Variants in ANO4 observed in about 807,000 individuals in gnomAD.
ANO4 encodes the protein anoctamin-4.
In ANO4, 69 loss-of-function variants were observed where a neutral mutation model predicts 141.9. That is an observed-to-expected ratio of 0.49 (90% CI 0.40 to 0.59). ANO4 has a LOEUF of 0.59. Among genes scored for constraint, ANO4 ranks in the 20% least tolerant of loss-of-function variants. ANO4 has a pLI of 0.00. For missense variants in ANO4, 894 were observed against 1,162.2 expected (o/e 0.77, Z 3.36); for synonymous variants, 350 against 394.3 (o/e 0.89, Z 1.33).
chr12:100,951,547 G>A (rs1199071144), intron 5 of ANO4, among the ~76,000 whole-genome samples: 3 of 152,192 alleles, frequency 2.0e-5, no homozygotes, highest in Admixed American at 6.5e-5. Flanking sequence ...CATGGATGGA[G>A]CTGGAGGCCA....
chr12:100,885,533 A>T (rs1390825016), intron 1 of ANO4: 1 of 152,234 alleles, frequency 6.6e-6, no homozygotes, highest in Non-Finnish European at 1.5e-5. Flanking sequence ...TGCCTCATAA[A>T]CATGACCTTT....
At chr12:100,803,531 A>G (rs1514786) in intron 1 of ANO4, among the ~76,000 whole-genome samples, 57,690 of 151,992 alleles carry the variant, frequency 0.38, 11,627 homozygotes, top group Middle Eastern at 0.52. Context: ...TTCAGCATCA[A>G]TGTTCCATTT....
chr12:100,796,017 G>A (rs539866078), intron 1 of ANO4, among the ~76,000 whole-genome samples: 2 of 148,384 alleles, frequency 1.3e-5, no homozygotes, highest in South Asian at 2.2e-4. Context: ...GTGCGTTGCA[G>A]GAGTCTCTCT....
intron 14 of ANO4, among the ~76,000 whole-genome samples, chr12:101,048,708 T>A (rs2047738077): frequency 6.6e-6 from 1 of 152,192 alleles, no homozygotes; most frequent in South Asian, 2.1e-4. Flanking sequence ...AGGGGAGAAC[T>A]GAAACACCAT....
intron 3 of ANO4, among the ~76,000 whole-genome samples, chr12:100,779,687 A>T (rs1260056139): frequency 6.6e-6 from 1 of 152,096 alleles, no homozygotes; most frequent in Admixed American, 6.5e-5. Context: ...AGACTCCCCA[A>T]ACATGCTAGC....
chr12:101,079,319 C>A, intron 15 of ANO4, 44 bp downstream of exon 15: 2 of 1,503,936 alleles, frequency 1.3e-6, no homozygotes, highest in Non-Finnish European at 1.8e-6. Context: ...GCAAATCACC[C>A]AGAACCACAC....
chr12:101,053,559 C>T (rs933739336), intron 14 of ANO4, among the ~76,000 whole-genome samples: 1 of 152,122 alleles, frequency 6.6e-6, no homozygotes, highest in South Asian at 2.1e-4. Flanking sequence ...CCTTGGCCTT[C>T]CTTGGTTTGT....
At position 100,739,656 on chromosome 12, in the gene ANO4, T is replaced by G. The variant is rs1191381312; in HGVS notation, c.107-198T>G. 2.0e-5 allele frequency among the ~76,000 whole-genome samples: 3 copies of G among 152,174 alleles called. No individual in the cohort carries two copies. The East Asian group carries it at 5.8e-4, about 29-fold the overall frequency. ...TTGAAGGCAGAGTGGGCACTTAGCATGCGCTTAATAAACATAAGTTGATTA... is the reference window on the plus strand; with the variant it reads ...TTGAAGGCAGAGTGGGCACTTAGCAGGCGCTTAATAAACATAAGTTGATTA... On this transcript the variant is annotated intron_variant, in intron 2 of 29. Transcript: ENST00000644049.
At position 101,127,096 on chromosome 12, in the gene ANO4, C is replaced by T. The variant is rs146007794; in HGVS notation, c.*4+22C>T. On this transcript the variant is annotated intron_variant, in intron 27 of 27. Transcript: ENST00000392977. ...CCATGTAGGTGAGAGGTGTGCTCAG[C>T]GTCTGAGGCCATTCCGAGGTTGAAT... 3.8e-5 allele frequency: 61 copies of T among 1,596,608 alleles called. 1 individual carries two copies. The Middle Eastern group carries it at 5.3e-4, about 14-fold the overall frequency.
At chr12:101,036,886 A>G (rs2047217721) in intron 9 of ANO4, among the ~76,000 whole-genome samples, 1 of 152,170 alleles carries the variant, frequency 6.6e-6, no homozygotes, top group Admixed American at 6.5e-5. Flanking sequence ...TCTTTATTTG[A>G]CGGTCAAATA....
intron 3 of ANO4, among the ~76,000 whole-genome samples, chr12:100,763,630 C>T (rs2032965170): frequency 6.6e-6 from 1 of 152,228 alleles, no homozygotes; most frequent in South Asian, 2.1e-4. Flanking sequence ...CTCCCCCAGT[C>T]CTGCTGCAGG....
intron 8 of ANO4, among the ~76,000 whole-genome samples, chr12:100,996,071 C>T (rs1424900006): frequency 6.6e-6 from 1 of 152,196 alleles, no homozygotes; most frequent in Non-Finnish European, 1.5e-5. Context: ...GGCTTTAGTT[C>T]TGCTAACTGA....
chr12:100,854,502 T>C (rs1319217295), intron 1 of ANO4, among the ~76,000 whole-genome samples: 1 of 152,168 alleles, frequency 6.6e-6, no homozygotes, highest in Non-Finnish European at 1.5e-5. Context: ...CAGCATTGAG[T>C]ATTCTGTGCC....
chr12:101,040,832 TTA>T (rs1465267394), intron 11 of ANO4, among the ~76,000 whole-genome samples: 2 of 147,868 alleles, frequency 1.4e-5, no homozygotes, highest in Non-Finnish European at 3.0e-5. Context: ...CAACTCCCAC[TTA>T]TGAGTGAGAA....
chr12:100,901,699 C>T lies in ANO4; in HGVS notation c.-87C>T, dbSNP rs1394681445. ...AAAGCGTTTGCAAATCCATCAACGG[C>T]GAAGTGTGGCAAGCCGCCCAGCGTC... On this transcript the variant is annotated 5_prime_UTR_variant, in exon 2 of 28. Transcript: ENST00000392977. 1.3e-5 allele frequency: 16 copies of T among 1,185,964 alleles called. No individual in the cohort carries two copies. The highest frequency in any genetic ancestry group is 2.4e-5 in the South Asian group (2 of 82,298). The allele number at this position is 1,185,964 out of a possible 1,614,324, so 73.5% of individuals were successfully genotyped here.
At chr12:101,121,171 C>T (rs2051074876) in intron 26 of ANO4, among the ~76,000 whole-genome samples, 2 of 152,150 alleles carry the variant, frequency 1.3e-5, no homozygotes, top group African/African-American at 4.8e-5. Context: ...GAACCCACCA[C>T]CCAGGTAGCG....
intron 6 of ANO4, among the ~76,000 whole-genome samples, chr12:100,971,753 T>G (rs1410303193): frequency 6.6e-6 from 1 of 152,206 alleles, no homozygotes; most frequent in Non-Finnish European, 1.5e-5. Flanking sequence ...CACAGGGGCA[T>G]GTTTTCATGT....
intron 1 of ANO4, among the ~76,000 whole-genome samples, chr12:100,726,183 G>A (rs565021885): frequency 6.6e-6 from 1 of 152,254 alleles, no homozygotes; most frequent in South Asian, 2.1e-4. Flanking sequence ...TTTTCACTGA[G>A]TTGTGCACTT....
chr12:100,970,384 G>A (rs1447974580), intron 5 of ANO4, among the ~76,000 whole-genome samples: 1 of 152,018 alleles, frequency 6.6e-6, no homozygotes, highest in African/African-American at 2.4e-5. Context: ...GTACGCCTTA[G>A]CCCTTTGCTC....
Sources: gnomAD v4.1 joint callset for allele counts (sites outside exome capture counted in the v4.1 genomes callset) on GRCh38, gnomAD v4.1.1 for gene constraint, MANE v1.5 for transcripts, NCBI Gene and HGNC (gene_info 2026-07-23, HGNC 2026-07-21) for gene names.